The following ATPAF2 variants were observed in gnomAD, a reference collection of about 807,000 sequenced individuals.
ATPAF2 encodes the protein ATP12 homolog.
ATPAF2 carries 30 observed loss-of-function variants against 36.6 expected under a neutral mutation model. The ratio of observed to expected loss-of-function variants is 0.82; its 90% CI spans 0.61 to 1.11. The LOEUF is 1.11. ATPAF2 is among the 50% of genes most tolerant of loss of function. ATPAF2 has a pLI of 0.00. For missense variants in ATPAF2, 321 were observed against 372.3 expected (o/e 0.86, Z 1.13); for synonymous variants, 140 against 152.6 (o/e 0.92, Z 0.61).
chr17:18,021,778 G>T lies in ATPAF2; in HGVS notation c.583C>A (p.His195Asn). The T allele has an allele frequency of 6.2e-7, 1 of 1,614,120 alleles. No individual in the cohort carries two copies. Among genetic ancestry groups the T allele is most frequent in the Non-Finnish European group, 8.5e-7 (1 of 1,180,036 alleles). ...PAKTREVLVS[H>N]LASYNTWALQ... Reference sequence around the variant, plus strand: ...GCCCATGTGTTGTAAGATGCCAGGTGGCTGACGAGCACCTCCCGAGTTTTG... The same window carrying T: ...GCCCATGTGTTGTAAGATGCCAGGTTGCTGACGAGCACCTCCCGAGTTTTG... Residue 195 changes from histidine (H) to asparagine (N), a missense_variant, in exon 6 of 8, where the codon CAC (histidine) becomes AAC (asparagine). Physicochemically the swap from His to Asn is moderately conservative, Grantham distance 68. Transcript: ENST00000474627.
At chr17:18,017,437 G>A (rs1333263668), downstream of ATPAF2, among the ~76,000 whole-genome samples, 1 of 152,242 alleles carries the variant, frequency 6.6e-6, no homozygotes, top group Non-Finnish European at 1.5e-5. Flanking sequence ...GAGGGGCAGG[G>A]AAGCAGGAGG....
intron 5 of ATPAF2, among the ~76,000 whole-genome samples, chr17:18,024,045 C>T (rs904000999): frequency 2.0e-5 from 3 of 152,314 alleles, no homozygotes; most frequent in African/African-American, 4.8e-5. Flanking sequence ...GCATACATAT[C>T]GTATATGTTG....
intron 5 of ATPAF2, 102 bp downstream of exon 5, chr17:18,024,522 G>T: frequency 2.1e-6 from 2 of 955,566 alleles, no homozygotes; most frequent in South Asian, 1.3e-5. Context: ...TCAGAAAGCT[G>T]ACTAGCTAAG....
chr17:18,036,937 G>A (rs1404017410), intron 1 of ATPAF2, among the ~76,000 whole-genome samples: 4 of 152,124 alleles, frequency 2.6e-5, no homozygotes, highest in African/African-American at 9.7e-5. Flanking sequence ...CACGTGTGGT[G>A]GCGGACACCT....
At chr17:18,030,529 A>AC (rs2044614282) in intron 1 of ATPAF2, among the ~76,000 whole-genome samples, 1 of 150,258 alleles carries the variant, frequency 6.7e-6, no homozygotes, top group African/African-American at 2.4e-5. Flanking sequence ...AAAAAAAAAA[A>AC]AAAAAACAAG....
At chr17:18,035,880 G>A (rs554889897) in intron 1 of ATPAF2, among the ~76,000 whole-genome samples, 1 of 152,346 alleles carries the variant, frequency 6.6e-6, no homozygotes, top group South Asian at 2.1e-4. Context: ...ATCTTGTCTT[G>A]GTGACAGACA....
downstream of ATPAF2, chr17:18,015,863 T>C: frequency 1.7e-6 from 1 of 577,014 alleles, no homozygotes; most frequent in Non-Finnish European, 3.1e-6. Flanking sequence ...CCACAACACC[T>C]GCCCTGTGCA....
intron 7 of ATPAF2, among the ~76,000 whole-genome samples, chr17:18,019,187 C>CACACA (rs1256217214): frequency 9.9e-5 from 4 of 40,428 alleles, no homozygotes; most frequent in African/African-American, 1.8e-4. Flanking sequence ...ACACACACAC[C>CACACA]CCACCACCCC....
chr17:18,028,551 A>C, intron 2 of ATPAF2, 64 bp downstream of exon 2: 2 of 1,553,540 alleles, frequency 1.3e-6, no homozygotes, highest in South Asian at 1.1e-5. Flanking sequence ...TGAAGATGAA[A>C]AATGTTCCCA....
intron 1 of ATPAF2, among the ~76,000 whole-genome samples, chr17:18,030,320 C>CAAAAAA (rs1162130285): frequency 6.1e-4 from 39 of 64,044 alleles, no homozygotes; most frequent in Non-Finnish European, 7.2e-4. Flanking sequence ...GACTCCATCT[C>CAAAAAA]AAAAAAAAAA....
chr17:18,020,354 T>C (rs543865011), intron 7 of ATPAF2, among the ~76,000 whole-genome samples: 2 of 152,378 alleles, frequency 1.3e-5, no homozygotes, highest in East Asian at 1.9e-4. Flanking sequence ...GCTCAGCTGA[T>C]GAAGGAGCAC....
chr17:18,025,169 A>C (rs2044526312), intron 4 of ATPAF2: 1 of 294,430 alleles, frequency 3.4e-6, no homozygotes, highest in African/African-American at 2.2e-5. Flanking sequence ...CAGTCTTTGC[A>C]TCTCTACCCT....
chr17:18,038,070 T>C (rs1028118859), intron 1 of ATPAF2, among the ~76,000 whole-genome samples: 3 of 152,270 alleles, frequency 2.0e-5, no homozygotes, highest in African/African-American at 7.2e-5. Flanking sequence ...CCTTTTGCAA[T>C]GAACAGTGAA....
At chr17:18,021,520 G>C (rs2044468347) in intron 6 of ATPAF2, 1 of 626,904 alleles carries the variant, frequency 1.6e-6, no homozygotes, top group Non-Finnish European at 2.9e-6. Flanking sequence ...CCAGGGCAAT[G>C]AGATTGAACT....
At chr17:18,016,789 C>A (rs2044381567), downstream of ATPAF2, 3 of 564,808 alleles carry the variant, frequency 5.3e-6, no homozygotes, top group Non-Finnish European at 9.4e-6. Flanking sequence ...CAACCGCGAT[C>A]CCCAACACCA....
intron 1 of ATPAF2, 152 bp downstream of exon 1, chr17:18,038,729 C>G: frequency 8.9e-7 from 1 of 1,128,392 alleles, no homozygotes; most frequent in Non-Finnish European, 1.3e-6. Flanking sequence ...CTTGTCTGGG[C>G]TTCACTTTCT....
intron 4 of ATPAF2, chr17:18,026,106 A>G (rs1353932925): frequency 3.2e-6 from 2 of 630,226 alleles, no homozygotes; most frequent in Non-Finnish European, 5.8e-6. Context: ...CTTCTGGGCT[A>G]GAGAAGAGGG....
Position 18,028,929 on chromosome 17 carries a change from CA to C in ATPAF2, c.134-271del, listed in dbSNP as rs146675155. Among the ~76,000 whole-genome samples, 1,319 of 152,286 alleles carry C rather than the reference CA, an allele frequency of 8.7e-3. 18 individuals are homozygous for C. The highest frequency in any genetic ancestry group is 0.028 in the African/African-American group (1,160 of 41,546). On this transcript the variant is annotated intron_variant, in intron 1 of 7. Coordinates refer to ENST00000474627, the MANE Select transcript of ATPAF2 (RefSeq NM_145691.4). ...CCCGCAGCCTGGGGACAAGTCTGAT[CA>C]GGAGCATCTCGGCATGCTCTCCCAC... is the stretch of plus-strand genomic sequence containing the variant.
chr17:18,027,902 A>G (rs2044571036), intron 3 of ATPAF2: 2 of 376,994 alleles, frequency 5.3e-6, no homozygotes, highest in South Asian at 5.1e-5. Context: ...ACATAAAACA[A>G]TTATAAATTG....
Sources: gnomAD v4.1 joint callset for allele counts (sites outside exome capture counted in the v4.1 genomes callset) on GRCh38, gnomAD v4.1.1 for gene constraint, MANE v1.5 for transcripts, NCBI Gene and HGNC (gene_info 2026-07-23, HGNC 2026-07-21) for gene names.